MYO18B: variants seen among roughly 807,000 people sequenced by gnomAD.
MYO18B encodes myosin XVIIIB, also known as unconventional myosin-XVIIIb.
A neutral mutation model predicts 273.0 loss-of-function variants in MYO18B; 204 were observed. The ratio of observed to expected loss-of-function variants is 0.75; its 90% CI spans 0.67 to 0.84. MYO18B has a LOEUF of 0.84. Among genes scored for constraint, MYO18B ranks in the 40% least tolerant of loss-of-function variants. The pLI is 0.00. For missense variants in MYO18B, 3,212 were observed against 3,287.6 expected, an observed-to-expected ratio of 0.98 and a Z score of 0.56; for synonymous variants, 1,330 against 1,305.7, an observed-to-expected ratio of 1.02 and a Z score of -0.40.
intron 26 of MYO18B, 55 bp downstream of exon 26, chr22:25,890,930 G>T: frequency 6.3e-7 from 1 of 1,585,402 alleles, no homozygotes; most frequent in Non-Finnish European, 8.6e-7. Flanking sequence ...AAAATGGTTG[G>T]GTCTGCTCCC....
chr22:25,985,924 G>A lies in MYO18B; in HGVS notation c.6157-6439G>A, dbSNP rs193296600. 1.6e-3 allele frequency among the ~76,000 whole-genome samples: 247 copies of A among 152,222 alleles called. 2 individuals carry two copies. Among genetic ancestry groups the A allele is most frequent in the African/African-American group, 5.8e-3 (239 of 41,530 alleles). ...TGGGATTAGAGGCATGAGCCGCCCC[G>A]CCCAGCCTACAGGGCTTTTATTCCC... On this transcript the variant is annotated intron_variant, in intron 39 of 43. Coordinates refer to ENST00000335473, the MANE Select transcript of MYO18B (RefSeq NM_032608.7).
intron 11 of MYO18B, among the ~76,000 whole-genome samples, chr22:25,788,647 G>A (rs1236021902): frequency 2.6e-5 from 4 of 152,154 alleles, no homozygotes. Flanking sequence ...GATTTGACTG[G>A]ATGGCTTGCA....
chr22:26,013,827 C>A (rs1569295333), intron 42 of MYO18B, among the ~76,000 whole-genome samples: 1 of 152,110 alleles, frequency 6.6e-6, no homozygotes, highest in Non-Finnish European at 1.5e-5. Context: ...CTGAGAAAGT[C>A]TTTTGTCCAT....
At position 25,753,607 on chromosome 22, in the gene MYO18B, C is replaced by A. The variant is rs902702825; in HGVS notation, c.-109-7377C>A. Among the ~76,000 whole-genome samples the A allele has an allele frequency of 2.0e-5, 3 of 152,290 alleles. No homozygotes were observed. In the East Asian group the frequency reaches 5.8e-4, roughly 29 times the overall value. On this transcript the variant is annotated intron_variant, in intron 1 of 43. Coordinates refer to ENST00000335473, the MANE Select transcript of MYO18B (RefSeq NM_032608.7). Reference sequence around the variant, plus strand: ...CTGGTCGATTGTTGGGTCTACGCTGCGTGTGTGAGCTGTAACACTCACCGC... The same window carrying A: ...CTGGTCGATTGTTGGGTCTACGCTGAGTGTGTGAGCTGTAACACTCACCGC...
At chr22:25,997,303 GC>G (rs35645009) in intron 40 of MYO18B, among the ~76,000 whole-genome samples, 18,706 of 47,618 alleles carry the variant, frequency 0.39, 7,847 homozygotes, top group Middle Eastern at 0.63. Context: ...AAACTCTGTC[GC>G]CAAAAAAAAA....
chr22:26,000,059 C>G (rs571672662), intron 40 of MYO18B, among the ~76,000 whole-genome samples: 24 of 152,296 alleles, frequency 1.6e-4, no homozygotes, highest in Admixed American at 2.0e-4. Flanking sequence ...GAATCAGGAC[C>G]ATGGACAGGT....
intron 34 of MYO18B, among the ~76,000 whole-genome samples, chr22:25,940,313 TCC>T (rs2092629647): frequency 6.6e-6 from 1 of 152,130 alleles, no homozygotes; most frequent in African/African-American, 2.4e-5. Flanking sequence ...AAGGGGAGTT[TCC>T]CTGCACATGC....
intron 38 of MYO18B, 99 bp from the exon 39 acceptor site, chr22:25,955,080 C>A: frequency 7.9e-7 from 1 of 1,262,374 alleles, no homozygotes; most frequent in Non-Finnish European, 1.1e-6. Flanking sequence ...ATTATGAAAA[C>A]ACAGGAAACT....
intron 1 of MYO18B, among the ~76,000 whole-genome samples, chr22:25,760,314 C>T (rs1020261608): frequency 1.4e-5 from 2 of 144,704 alleles, no homozygotes; most frequent in African/African-American, 5.2e-5. Flanking sequence ...ACTCGGGTGG[C>T]TGAGGCAGAA....
intron 17 of MYO18B, 40 bp from the exon 18 acceptor site, chr22:25,843,695 C>T: frequency 1.9e-6 from 3 of 1,587,082 alleles, no homozygotes; most frequent in Non-Finnish European, 2.6e-6. Context: ...AGAGTGTCCT[C>T]AACAGGCTCC....
chr22:25,818,272 C>G (rs919732377), intron 12 of MYO18B, among the ~76,000 whole-genome samples: 1 of 152,186 alleles, frequency 6.6e-6, no homozygotes, highest in Admixed American at 6.5e-5. Flanking sequence ...GCCTCTCCCT[C>G]TTTGTGTCTC....
chr22:25,742,807 G>A (rs2085666909), intron 1 of MYO18B, among the ~76,000 whole-genome samples: 1 of 152,178 alleles, frequency 6.6e-6, no homozygotes, highest in Non-Finnish European at 1.5e-5. Flanking sequence ...ATGAGTGTTG[G>A]GGGAAGGGCA....
intron 39 of MYO18B, among the ~76,000 whole-genome samples, chr22:25,975,365 C>T (rs1431694615): frequency 1.3e-5 from 2 of 152,146 alleles, no homozygotes; most frequent in South Asian, 2.1e-4. Context: ...TATGTTCCGC[C>T]GCTGTGAGCC....
intron 17 of MYO18B, among the ~76,000 whole-genome samples, chr22:25,836,256 T>C (rs2089897356): frequency 6.6e-6 from 1 of 152,212 alleles, no homozygotes. Flanking sequence ...CCTCTCGTAG[T>C]CTTAGTTGAT....
intron 29 of MYO18B, chr22:25,899,360 A>G (rs534928691): frequency 6.6e-6 from 1 of 152,358 alleles, no homozygotes; most frequent in East Asian, 1.9e-4. Flanking sequence ...GAGATGTCAT[A>G]CTAGGCAAAT....
At chr22:26,061,565 C>T in the MYO18B span, among the ~76,000 whole-genome samples, 1 of 151,996 alleles carries the variant, frequency 6.6e-6, no homozygotes, top group East Asian at 1.9e-4. Context: ...CTCTGCTGCT[C>T]ACAGTGAGAT....
At chr22:25,822,804 G>A (rs1379422526) in intron 12 of MYO18B, among the ~76,000 whole-genome samples, 3 of 152,218 alleles carry the variant, frequency 2.0e-5, no homozygotes, top group Admixed American at 6.5e-5. Context: ...GTGATAAATC[G>A]AGCAAGCTGG....
chr22:25,758,874 C>T (rs1009261423), intron 1 of MYO18B, among the ~76,000 whole-genome samples: 7 of 152,000 alleles, frequency 4.6e-5, no homozygotes, highest in African/African-American at 1.5e-4. Context: ...TCTGCCTCAG[C>T]CTCCTGAGTA....
intron 42 of MYO18B, among the ~76,000 whole-genome samples, chr22:26,018,405 T>G (rs1246040062): frequency 6.6e-6 from 1 of 151,950 alleles, no homozygotes; most frequent in African/African-American, 2.4e-5. Context: ...TGGCTATCCT[T>G]CCCCCAAACC....
Sources: gnomAD v4.1 joint callset for allele counts (sites outside exome capture counted in the v4.1 genomes callset) on GRCh38, gnomAD v4.1.1 for gene constraint, MANE v1.5 for transcripts, NCBI Gene and HGNC (gene_info 2026-07-23, HGNC 2026-07-21) for gene names.